The following FHIT variants were observed in gnomAD, a reference collection of about 807,000 sequenced individuals.
FHIT encodes fragile histidine triad diadenosine triphosphatase, also known as bis(5'-adenosyl)-triphosphatase.
FHIT carries 19 observed loss-of-function variants against 17.9 expected under a neutral mutation model. The observed-to-expected ratio is 1.06, with a 90% CI of 0.74 to 1.56. The LOEUF (loss-of-function observed/expected upper bound fraction) is 1.56. FHIT is among the 40% of genes most tolerant of loss of function. FHIT has a pLI of 0.00. For missense variants in FHIT, 248 were observed against 189.2 expected, an observed-to-expected ratio of 1.31 and a Z score of -1.82; for synonymous variants, 81 against 69.7, an observed-to-expected ratio of 1.16 and a Z score of -0.81.
At chr3:60,865,289 T>G (rs564244826) in intron 3 of FHIT, among the ~76,000 whole-genome samples, 18 of 152,324 alleles carry the variant, frequency 1.2e-4, no homozygotes, top group African/African-American at 4.3e-4. Context: ...TTAAATAAGG[T>G]AAAATTAAAT....
At chr3:60,152,698 T>C (rs1700517600) in intron 5 of FHIT, among the ~76,000 whole-genome samples, 1 of 152,222 alleles carries the variant, frequency 6.6e-6, no homozygotes, top group Non-Finnish European at 1.5e-5. Flanking sequence ...CAAAATGGCA[T>C]GTTACACATC....
chr3:60,547,748 TGAAAAGATCTC>T (rs1222462151), intron 4 of FHIT, among the ~76,000 whole-genome samples: 1 of 152,116 alleles, frequency 6.6e-6, no homozygotes, highest in Non-Finnish European at 1.5e-5. Flanking sequence ...AAAGAAACAA[TGAAAAGATCTC>T]TACTATCCTT....
intron 5 of FHIT, among the ~76,000 whole-genome samples, chr3:60,288,191 T>G (rs1707818251): frequency 6.6e-6 from 1 of 152,170 alleles, no homozygotes; most frequent in African/African-American, 2.4e-5. Flanking sequence ...ATAAAGCTGT[T>G]TAAGTGTTCT....
chr3:59,806,388 G>A (rs1652249813), intron 8 of FHIT, among the ~76,000 whole-genome samples: 1 of 152,002 alleles, frequency 6.6e-6, no homozygotes, highest in South Asian at 2.1e-4. Flanking sequence ...CTGATAAATG[G>A]AAGAAACTGA....
At chr3:60,131,872 C>G (rs1699611181) in intron 5 of FHIT, among the ~76,000 whole-genome samples, 1 of 152,262 alleles carries the variant, frequency 6.6e-6, no homozygotes, top group African/African-American at 2.4e-5. Flanking sequence ...CTTAAAACCC[C>G]TTTATGACTC....
chr3:60,340,029 C>T (rs890314662), intron 5 of FHIT, among the ~76,000 whole-genome samples: 3 of 152,070 alleles, frequency 2.0e-5, no homozygotes, highest in Non-Finnish European at 4.4e-5. Flanking sequence ...AAATTATGCT[C>T]TGGCACAGGT....
chr3:60,226,476 A>G, intron 5 of FHIT, among the ~76,000 whole-genome samples: 1 of 148,494 alleles, frequency 6.7e-6, no homozygotes, highest in Admixed American at 6.7e-5. Context: ...CCGTCTCAAA[A>G]AAAAAAAAAA....
At chr3:60,525,946 T>C (rs1302893184) in intron 5 of FHIT, among the ~76,000 whole-genome samples, 2 of 151,946 alleles carry the variant, frequency 1.3e-5, no homozygotes, top group Non-Finnish European at 2.9e-5. Context: ...CTACAAAAAA[T>C]GCAAAAATTA....
At chr3:59,750,422 C>T (rs1700829909) in intron 9 of FHIT, 3 of 224,138 alleles carry the variant, frequency 1.3e-5, no homozygotes, top group Non-Finnish European at 2.7e-5. Flanking sequence ...GACATACTGG[C>T]CTTCATAAGA....
chr3:60,474,361 G>A (rs1017554318), intron 5 of FHIT, among the ~76,000 whole-genome samples: 6 of 152,036 alleles, frequency 3.9e-5, no homozygotes, highest in African/African-American at 7.2e-5. Flanking sequence ...ACTGAATATA[G>A]CAACAGAGAA....
chr3:60,489,347 C>T (rs1008309311), intron 5 of FHIT, among the ~76,000 whole-genome samples: 1 of 152,074 alleles, frequency 6.6e-6, no homozygotes, highest in Non-Finnish European at 1.5e-5. Context: ...CTTTTTATTT[C>T]TGAGAAAGCA....
intron 3 of FHIT, among the ~76,000 whole-genome samples, chr3:60,887,331 C>T (rs7613634): frequency 0.019 from 2,840 of 152,162 alleles, 80 homozygotes; most frequent in African/African-American, 0.063. Flanking sequence ...GGTTAAAATA[C>T]GCTTTTAAAG....
intron 5 of FHIT, among the ~76,000 whole-genome samples, chr3:60,461,232 T>C (rs1207275491): frequency 1.3e-5 from 2 of 152,202 alleles, no homozygotes; most frequent in Non-Finnish European, 2.9e-5. Context: ...TTATTGATTT[T>C]CCTTTTGATT....
At chr3:60,113,797 C>T (rs11708267) in intron 5 of FHIT, among the ~76,000 whole-genome samples, 1 of 149,322 alleles carries the variant, frequency 6.7e-6, no homozygotes, top group Non-Finnish European at 1.5e-5. Flanking sequence ...GTGAGGAGAT[C>T]GAGACCATCC....
At chr3:60,307,565 C>T (rs368870881) in intron 5 of FHIT, among the ~76,000 whole-genome samples, 10 of 152,156 alleles carry the variant, frequency 6.6e-5, no homozygotes, top group African/African-American at 2.4e-4. Flanking sequence ...AAAAATGACA[C>T]CTGCTACAAA....
At position 60,307,082 on chromosome 3, in the gene FHIT, A is replaced by G. The variant is rs137857167; in HGVS notation, c.103+229778T>C. ...ACATGACTATCTCTTTCTTCCCCAC[A>G]CAACAAAACTGAGAACATAAAATTA... On this transcript the variant is annotated intron_variant, in intron 5 of 9. Coordinates refer to ENST00000492590, the MANE Select transcript of FHIT (RefSeq NM_002012.4). Among the ~76,000 whole-genome samples, 606 of 152,266 alleles carry G rather than the reference A, an allele frequency of 4.0e-3. 4 individuals carry two copies. Among genetic ancestry groups the G allele is most frequent in the African/African-American group, 0.014 (563 of 41,568 alleles).
intron 2 of FHIT, among the ~76,000 whole-genome samples, chr3:61,100,904 T>G (rs573233694): frequency 6.0e-4 from 91 of 152,044 alleles, no homozygotes; most frequent in African/African-American, 2.1e-3. Flanking sequence ...TTTTGATGGG[T>G]TTGTTTGGCT....
chr3:60,627,428 T>A (rs1459555591), intron 4 of FHIT, among the ~76,000 whole-genome samples: 2 of 152,212 alleles, frequency 1.3e-5, no homozygotes, highest in African/African-American at 2.4e-5. Context: ...TTCATCCAAG[T>A]TATCCAATTC....
intron 2 of FHIT, among the ~76,000 whole-genome samples, chr3:61,132,548 G>C (rs557616215): frequency 7.9e-5 from 12 of 152,330 alleles, no homozygotes; most frequent in African/African-American, 2.9e-4. Context: ...CCGATAAGGA[G>C]TGAGGGAATG....
Sources: allele counts gnomAD v4.1 joint callset (sites outside exome capture counted in the v4.1 genomes callset), GRCh38; gene constraint gnomAD v4.1.1; transcripts MANE v1.5; gene names NCBI Gene and HGNC (gene_info 2026-07-23, HGNC 2026-07-21).